Variants in LTBP1 observed in about 807,000 individuals in gnomAD.
The protein encoded by LTBP1 is latent-transforming growth factor beta-binding protein 1.
Under a neutral mutation model 207.6 loss-of-function variants are expected in LTBP1, and 129 were observed. The ratio of observed to expected loss-of-function variants is 0.62; its 90% CI spans 0.54 to 0.72. LTBP1 has a LOEUF of 0.72. Among genes scored for constraint, LTBP1 ranks in the 30% least tolerant of loss-of-function variants. The pLI is 0.00. For synonymous variants in LTBP1, 963 were observed against 833.7 expected, an observed-to-expected ratio of 1.16 and a Z score of -2.67; for missense variants, 2,281 against 2,217.2, an observed-to-expected ratio of 1.03 and a Z score of -0.58.
intron 2 of LTBP1, among the ~76,000 whole-genome samples, chr2:32,993,951 G>A (rs937271492): frequency 3.4e-5 from 5 of 149,090 alleles, no homozygotes; most frequent in Admixed American, 2.7e-4. Context: ...GGCCCAAAGA[G>A]GGGACTTCAG....
intron 5 of LTBP1, among the ~76,000 whole-genome samples, chr2:33,136,958 A>G (rs1204468102): frequency 6.6e-6 from 1 of 152,238 alleles, no homozygotes; most frequent in African/African-American, 2.4e-5. Flanking sequence ...AGAAGGACCC[A>G]TAGTAATAAA....
At chr2:32,956,691 T>C (rs1678126771) in intron 2 of LTBP1, among the ~76,000 whole-genome samples, 1 of 152,230 alleles carries the variant, frequency 6.6e-6, no homozygotes, top group Admixed American at 6.5e-5. Context: ...ATGAATGTTC[T>C]TAATGGCATC....
chr2:32,995,599 G>A (rs910176340), intron 2 of LTBP1, among the ~76,000 whole-genome samples: 1 of 152,070 alleles, frequency 6.6e-6, no homozygotes, highest in Non-Finnish European at 1.5e-5. Flanking sequence ...AGCTAACATG[G>A]TGAAACCCCA....
At chr2:33,196,477 A>C (rs1558795407) in intron 7 of LTBP1, among the ~76,000 whole-genome samples, 1 of 152,164 alleles carries the variant, frequency 6.6e-6, no homozygotes, top group Non-Finnish European at 1.5e-5. Flanking sequence ...CATGAGGCCA[A>C]GGAAGAGAAA....
At chr2:32,966,985 C>G (rs1413853636) in intron 2 of LTBP1, among the ~76,000 whole-genome samples, 1 of 151,782 alleles carries the variant, frequency 6.6e-6, no homozygotes, top group Non-Finnish European at 1.5e-5. Flanking sequence ...AGAATTGAAC[C>G]CATCCTGGCT....
intron 26 of LTBP1, among the ~76,000 whole-genome samples, chr2:33,356,568 A>G (rs2094864100): frequency 6.6e-6 from 1 of 152,118 alleles, no homozygotes; most frequent in African/African-American, 2.4e-5. Flanking sequence ...AGTCCCAGCT[A>G]TTCAGGAGGC....
intron 24 of LTBP1, among the ~76,000 whole-genome samples, chr2:33,319,868 A>G (rs927198389): frequency 2.6e-5 from 4 of 152,184 alleles, no homozygotes; most frequent in Non-Finnish European, 5.9e-5. Context: ...ATGGCTAATT[A>G]GGCCTCCAAA....
chr2:33,106,010 C>G (rs1252516330), intron 3 of LTBP1, among the ~76,000 whole-genome samples: 1 of 152,072 alleles, frequency 6.6e-6, no homozygotes, highest in African/African-American at 2.4e-5. Context: ...ATTAGAAATC[C>G]CTGGTTGTCA....
intron 3 of LTBP1, among the ~76,000 whole-genome samples, chr2:33,109,420 T>C (rs1210552202): frequency 1.3e-5 from 2 of 152,242 alleles, no homozygotes; most frequent in African/African-American, 4.8e-5. Context: ...GTCCTAACAA[T>C]TTCAGTAGCA....
rs2092892113 is a variant in LTBP1, at chr2:33,257,367, G to C, written c.2251G>C (p.Gly751Arg). 1 of 1,614,076 alleles carries C rather than the reference G, an allele frequency of 6.2e-7. No homozygotes were observed. ...HRRRPIHHHV[G>R]KGPVFVKPKN... ...ACGCAGGCCAATCCATCACCATGTAGGTAAAGGACCTGTATTTGTCAAGCC... is the reference window on the plus strand; with the variant it reads ...ACGCAGGCCAATCCATCACCATGTACGTAAAGGACCTGTATTTGTCAAGCC... The change falls in exon 12 of 34, where the codon GGT (glycine) becomes CGT (arginine). Residue 751 changes from glycine (G) to arginine (R), a missense_variant. Coordinates refer to ENST00000404816, the MANE Select transcript of LTBP1 (RefSeq NM_206943.4).
chr2:33,359,952 C>G (rs978906364), intron 26 of LTBP1, among the ~76,000 whole-genome samples: 2 of 152,136 alleles, frequency 1.3e-5, no homozygotes, highest in African/African-American at 4.8e-5. Context: ...ATATGTTTTC[C>G]TCTAGGACAC....
intron 4 of LTBP1, among the ~76,000 whole-genome samples, chr2:33,129,069 C>T (rs776969031): frequency 6.6e-6 from 1 of 152,058 alleles, no homozygotes; most frequent in Non-Finnish European, 1.5e-5. Flanking sequence ...AACAGAGACA[C>T]CTGGAAGGAG....
intron 5 of LTBP1, among the ~76,000 whole-genome samples, chr2:33,169,983 A>G (rs1048330388): frequency 8.5e-5 from 13 of 152,228 alleles, no homozygotes; most frequent in Non-Finnish European, 1.6e-4. Flanking sequence ...GAAACTAGTA[A>G]ATTGGTAAAA....
intron 22 of LTBP1, among the ~76,000 whole-genome samples, chr2:33,302,525 C>G (rs2094004968): frequency 6.6e-6 from 1 of 152,142 alleles, no homozygotes; most frequent in Non-Finnish European, 1.5e-5. Flanking sequence ...GATCTATTGT[C>G]ATTTACAGCA....
chr2:33,220,741 A>G (rs1388611268), intron 8 of LTBP1, among the ~76,000 whole-genome samples: 1 of 152,234 alleles, frequency 6.6e-6, no homozygotes, highest in Non-Finnish European at 1.5e-5. Context: ...CTAGAGGTCT[A>G]TGGGACAAGA....
Position 33,389,269 on chromosome 2 carries a change from G to T in LTBP1, c.4797G>T (p.Gln1599His), listed in dbSNP as rs376067631. The T allele has an allele frequency of 2.5e-6, 4 of 1,614,204 alleles. No individual in the cohort carries two copies. In the Admixed American group the frequency reaches 5.0e-5, roughly 20 times the overall value. ...GRDALVDFSE[Q>H]YTPEADPYFI... is the part of the protein sequence containing the mutation. ...ACGCCTTGGTTGACTTCAGTGAACA[G>T]TATACTCCAGAAGCCGATCCCTACT... Residue 1599 changes from glutamine to histidine, a missense_variant, in exon 32 of 34, where the codon CAG becomes CAT. Physicochemically the swap from Gln to His is conservative, Grantham distance 24. Around this residue, in one of 3 missense-constraint regions of LTBP1, gnomAD observed 1,671 missense variants for 1,634.8 expected, o/e 1.02. Coordinates refer to ENST00000404816, the MANE Select transcript of LTBP1 (RefSeq NM_206943.4).
chr2:33,020,158 A>C (rs2075092764), intron 2 of LTBP1, among the ~76,000 whole-genome samples: 2 of 152,290 alleles, frequency 1.3e-5, no homozygotes, highest in African/African-American at 2.4e-5. Context: ...GGATTTTTAT[A>C]CAAACTAGCA....
At chr2:32,977,487 C>T (rs1374104491) in intron 2 of LTBP1, among the ~76,000 whole-genome samples, 2 of 152,178 alleles carry the variant, frequency 1.3e-5, no homozygotes, top group Non-Finnish European at 2.9e-5. Flanking sequence ...TCCAGGCACC[C>T]TGACTGTGGC....
At chr2:33,314,617 T>G (rs1378523736) in intron 23 of LTBP1, among the ~76,000 whole-genome samples, 2 of 152,206 alleles carry the variant, frequency 1.3e-5, no homozygotes, top group African/African-American at 4.8e-5. Flanking sequence ...GAGTTATAGA[T>G]TGGAGTCTAT....
Sources: gnomAD v4.1 joint callset for allele counts (sites outside exome capture counted in the v4.1 genomes callset) on GRCh38, gnomAD v4.1.1 for gene constraint, gnomAD v4.1.1 regional missense constraint, MANE v1.5 for transcripts, NCBI Gene and HGNC (gene_info 2026-07-23, HGNC 2026-07-21) for gene names.